Variants in SUGCT observed in about 807,000 individuals in gnomAD.
SUGCT encodes the protein succinyl-CoA:glutarate-CoA transferase.
Under a neutral mutation model 55.0 loss-of-function variants are expected in SUGCT, and 41 were observed. The observed-to-expected ratio is 0.74, with a 90% CI of 0.58 to 0.97. SUGCT has a LOEUF of 0.97. Ranked by LOEUF, SUGCT falls within the 50% of genes least tolerant of loss-of-function variation. The pLI is 0.00. For synonymous variants in SUGCT, 187 were observed against 200.4 expected (o/e 0.93, Z 0.56); for missense variants, 568 against 547.8 (o/e 1.04, Z -0.37).
the SUGCT span, chr7:40,979,826 G>C: frequency 6.6e-6 from 1 of 152,100 alleles, no homozygotes; most frequent in Non-Finnish European, 1.5e-5. Context: ...TTTCTTTTTG[G>C]AAGTCTTTGC....
intron 12 of SUGCT, among the ~76,000 whole-genome samples, chr7:40,522,374 T>C (rs1410785193): frequency 6.6e-6 from 1 of 152,172 alleles, no homozygotes; most frequent in African/African-American, 2.4e-5. Context: ...TTAATTCTAA[T>C]GTTTTCCATT....
At chr7:40,255,400 G>A (rs535212673) in intron 7 of SUGCT, among the ~76,000 whole-genome samples, 3 of 151,522 alleles carry the variant, frequency 2.0e-5, no homozygotes, top group South Asian at 2.1e-4. Context: ...AGTGGCTCAC[G>A]CCTGTAATCC....
chr7:40,929,326 A>G, the SUGCT span, among the ~76,000 whole-genome samples: 1 of 152,144 alleles, frequency 6.6e-6, no homozygotes, highest in Admixed American at 6.5e-5. Context: ...TCTATCATTG[A>G]TAGGCACTTG....
chr7:40,431,212 C>G (rs997342319), intron 9 of SUGCT, among the ~76,000 whole-genome samples: 6 of 150,700 alleles, frequency 4.0e-5, no homozygotes, highest in African/African-American at 1.5e-4. Flanking sequence ...ATTTTGTCTT[C>G]TCTGTGCCCT....
the SUGCT span, among the ~76,000 whole-genome samples, chr7:40,876,350 G>T: frequency 2.6e-5 from 4 of 152,066 alleles, no homozygotes; most frequent in Non-Finnish European, 5.9e-5. Context: ...GCTTTCATGT[G>T]CACATAGGAA....
intron 12 of SUGCT, among the ~76,000 whole-genome samples, chr7:40,499,777 C>T (rs1241883958): frequency 6.6e-6 from 1 of 151,952 alleles, no homozygotes; most frequent in Non-Finnish European, 1.5e-5. Flanking sequence ...GTCATTTTTC[C>T]AAGTGCTTTC....
At chr7:40,369,778 G>A (rs1784197260) in intron 9 of SUGCT, among the ~76,000 whole-genome samples, 1 of 152,276 alleles carries the variant, frequency 6.6e-6, no homozygotes, top group South Asian at 2.1e-4. Flanking sequence ...TGGATTAGGA[G>A]TCCAAGCAAA....
chr7:40,719,351 T>A (rs1478575182), intron 12 of SUGCT, among the ~76,000 whole-genome samples: 1 of 152,236 alleles, frequency 6.6e-6, no homozygotes, highest in African/African-American at 2.4e-5. Flanking sequence ...AATCTCCTGC[T>A]TTCCTAGCTG....
At chr7:40,403,168 A>T (rs1786175273) in intron 9 of SUGCT, among the ~76,000 whole-genome samples, 1 of 152,090 alleles carries the variant, frequency 6.6e-6, no homozygotes, top group Non-Finnish European at 1.5e-5. Context: ...TGTTAAACAC[A>T]TTTTTGCTGT....
chr7:40,498,692 G>A (rs936057677), intron 12 of SUGCT, among the ~76,000 whole-genome samples: 1 of 152,192 alleles, frequency 6.6e-6, no homozygotes, highest in Non-Finnish European at 1.5e-5. Context: ...CTGAGATACT[G>A]TTTATGAAGG....
At chr7:40,250,662 A>G (rs2150930291) in intron 7 of SUGCT, among the ~76,000 whole-genome samples, 1 of 152,120 alleles carries the variant, frequency 6.6e-6, no homozygotes, top group South Asian at 2.1e-4. Flanking sequence ...TAAGTATACA[A>G]TTTAATTGAA....
chr7:40,690,026 T>A (rs1269286934), intron 12 of SUGCT, among the ~76,000 whole-genome samples: 1 of 152,214 alleles, frequency 6.6e-6, no homozygotes, highest in Non-Finnish European at 1.5e-5. Context: ...TCCATGCATA[T>A]GGTCACCATA....
chr7:40,843,536 G>A (rs1364560217), intron 13 of SUGCT, among the ~76,000 whole-genome samples: 1 of 146,608 alleles, frequency 6.8e-6, no homozygotes, highest in East Asian at 2.1e-4. Flanking sequence ...GTGAGTCAGT[G>A]TAGGCCTCAC....
chr7:40,805,231 G>A (rs1791029826), intron 13 of SUGCT, among the ~76,000 whole-genome samples: 2 of 152,104 alleles, frequency 1.3e-5, no homozygotes, highest in South Asian at 4.1e-4. Context: ...TCCAACCATT[G>A]AGCTGGGTTC....
chr7:40,995,373 A>G, the SUGCT span, among the ~76,000 whole-genome samples: 2 of 109,574 alleles, frequency 1.8e-5, no homozygotes, highest in African/African-American at 7.7e-5. Flanking sequence ...TTGGTATCCT[A>G]TAATAGCTGT....
intron 13 of SUGCT, among the ~76,000 whole-genome samples, chr7:40,792,568 A>T (rs1258759321): frequency 1.3e-5 from 2 of 152,150 alleles, no homozygotes; most frequent in Non-Finnish European, 2.9e-5. Flanking sequence ...CTGGACTTGT[A>T]GCTATCTGGT....
At chr7:40,135,396 T>A (rs1236867692) in intron 1 of SUGCT, among the ~76,000 whole-genome samples, 1 of 152,220 alleles carries the variant, frequency 6.6e-6, no homozygotes, top group Non-Finnish European at 1.5e-5. Flanking sequence ...GTTTGGGGCC[T>A]CTTTACTCCT....
intron 12 of SUGCT, among the ~76,000 whole-genome samples, chr7:40,711,650 A>G (rs1252922390): frequency 2.0e-5 from 3 of 152,132 alleles, no homozygotes; most frequent in African/African-American, 7.2e-5. Context: ...CCATTCCTCC[A>G]TCTTTTGAAA....
At chr7:40,442,671 AG>A (rs1467805405) in intron 9 of SUGCT, among the ~76,000 whole-genome samples, 1 of 152,106 alleles carries the variant, frequency 6.6e-6, no homozygotes, top group Non-Finnish European at 1.5e-5. Flanking sequence ...TTAATTTGGT[AG>A]TTTCCAAACC....
Sources: gnomAD v4.1 joint callset for allele counts (sites outside exome capture counted in the v4.1 genomes callset) on GRCh38, gnomAD v4.1.1 for gene constraint, MANE v1.5 for transcripts, NCBI Gene and HGNC (gene_info 2026-07-23, HGNC 2026-07-21) for gene names.